Variants in TOPBP1 observed in about 807,000 individuals in gnomAD.
TOPBP1 encodes DNA topoisomerase II binding protein 1.
In TOPBP1, 28 loss-of-function variants were observed where a neutral mutation model predicts 167.7. That is an observed-to-expected ratio of 0.17 (90% CI 0.12 to 0.23). The LOEUF (loss-of-function observed/expected upper bound fraction) is 0.23. Among genes scored for constraint, TOPBP1 ranks in the 10% least tolerant of loss-of-function variants. TOPBP1 has a pLI of 1.00. For missense variants in TOPBP1, 1,554 were observed against 1,809.6 expected, an observed-to-expected ratio of 0.86 and a Z score of 2.56; for synonymous variants, 598 against 611.4, an observed-to-expected ratio of 0.98 and a Z score of 0.32.
At chr3:133,615,027 A>T (rs1273106817) in intron 23 of TOPBP1, among the ~76,000 whole-genome samples, 1 of 152,014 alleles carries the variant, frequency 6.6e-6, no homozygotes, top group Non-Finnish European at 1.5e-5. Context: ...TCACCCGCAA[A>T]AAAAAGAGAA....
intron 27 of TOPBP1, among the ~76,000 whole-genome samples, chr3:133,606,145 G>T (rs543386982): frequency 2.6e-5 from 4 of 151,864 alleles, no homozygotes; most frequent in Admixed American, 2.0e-4. Context: ...CCAAGATCAC[G>T]CCACTGCACT....
At chr3:133,650,052 T>C in intron 8 of TOPBP1, 109 bp from the exon 9 acceptor site, 2 of 929,786 alleles carry the variant, frequency 2.2e-6, no homozygotes, top group Non-Finnish European at 3.0e-6. Context: ...CTTGTGTACA[T>C]TTAAGATATA....
At chr3:133,634,453 G>A (rs1001669874) in intron 14 of TOPBP1, among the ~76,000 whole-genome samples, 6 of 152,128 alleles carry the variant, frequency 3.9e-5, no homozygotes. Flanking sequence ...AGGTTGCAGT[G>A]AGCTGAGATT....
intron 5 of TOPBP1, among the ~76,000 whole-genome samples, chr3:133,655,886 A>G (rs1330118005): frequency 1.3e-5 from 2 of 152,070 alleles, no homozygotes; most frequent in African/African-American, 4.8e-5. Context: ...TTTTTGGCAA[A>G]ATACCAACAA....
At position 133,652,596 on chromosome 3, in the gene TOPBP1, T is replaced by C; in HGVS notation, c.956A>G (p.Asn319Ser). The change falls in exon 8 of 28, where the codon AAC (asparagine) becomes AGC (serine). Residue 319 changes from asparagine to serine, a missense_variant. By Grantham distance (46) the Asn-to-Ser change is conservative. Coordinates refer to ENST00000260810, the MANE Select transcript of TOPBP1 (RefSeq NM_007027.4). The part of the protein sequence containing the change: ...RTLSDVSNIS[N>S]INASCVSESI... Reference sequence around the variant, plus strand: ...TTCACTTACGCAACTTGCATTTATGTTGGAAATATTGCTGACATCTGAAAG... The same window carrying C: ...TTCACTTACGCAACTTGCATTTATGCTGGAAATATTGCTGACATCTGAAAG... The C allele has an allele frequency of 6.2e-7, 1 of 1,610,858 alleles. No individual in the cohort carries two copies. Among genetic ancestry groups the C allele is most frequent in the Non-Finnish European group, 8.5e-7 (1 of 1,179,494 alleles).
At chr3:133,654,781 C>T (rs1166544529) in intron 6 of TOPBP1, among the ~76,000 whole-genome samples, 2 of 151,952 alleles carry the variant, frequency 1.3e-5, no homozygotes, top group Non-Finnish European at 2.9e-5. Context: ...CCTCATGTGC[C>T]GCAAGGTGTG....
At chr3:133,641,352 T>G (rs1313752038) in intron 12 of TOPBP1, among the ~76,000 whole-genome samples, 1 of 152,192 alleles carries the variant, frequency 6.6e-6, no homozygotes, top group Non-Finnish European at 1.5e-5. Context: ...TAGTGAAGTT[T>G]CACAAAATAT....
chr3:133,643,525 T>A (rs1396897520), intron 11 of TOPBP1, among the ~76,000 whole-genome samples, 153 bp from the exon 12 acceptor site: 2 of 152,198 alleles, frequency 1.3e-5, no homozygotes, highest in African/African-American at 4.8e-5. Flanking sequence ...ACATTTCATA[T>A]CATAATGTTA....
rs1429595539 is a variant in TOPBP1 at position 133,628,438 on chromosome 3, C to T, written c.2728G>A (p.Val910Ile). Reference protein sequence around the residue: ...EAPKPLHKVVVCVSKKLSKKQ... With the variant: ...EAPKPLHKVVICVSKKLSKKQ... The stretch of plus-strand genomic sequence containing the variant: ...TTACTGAGTTTTTTACTAACACATA[C>T]CACTACTTTGTGAAGTGGCTTTGGG... The change falls in exon 16 of 28, where the codon GTA becomes ATA. Residue 910 changes from valine (V) to isoleucine (I), a missense_variant. Transcript: ENST00000260810. The T allele has an allele frequency of 1.2e-6, 2 of 1,611,228 alleles. No individual in the cohort carries two copies. The highest frequency in any genetic ancestry group is 1.7e-6 in the Non-Finnish European group (2 of 1,178,700).
At position 133,650,229 on chromosome 3, in the gene TOPBP1, T is replaced by G. The variant is rs116204923; in HGVS notation, c.1090-286A>C. On this transcript the variant is annotated intron_variant, in intron 8 of 27. Coordinates refer to ENST00000260810, the MANE Select transcript of TOPBP1 (RefSeq NM_007027.4). ...CCAGAGTCCAACATCTTCTAAATAT[T>G]AGTGCATACCAATTCCTAAAATGCA... is the stretch of plus-strand genomic sequence containing the variant. Among the ~76,000 whole-genome samples the G allele has an allele frequency of 5.2e-3, 799 of 152,236 alleles. 7 individuals carry two copies. The highest frequency in any genetic ancestry group is 0.018 in the African/African-American group (760 of 41,552).
chr3:133,602,386 A>T (rs1934334543), intron 27 of TOPBP1, among the ~76,000 whole-genome samples: 3 of 152,228 alleles, frequency 2.0e-5, no homozygotes, highest in African/African-American at 7.2e-5. Flanking sequence ...ACTCCAAACT[A>T]AAGTTAGTTC....
chr3:133,658,076 GA>G lies in TOPBP1; in HGVS notation c.220-136del, dbSNP rs893107602. 1.9e-5 allele frequency: 12 copies of G among 626,684 alleles called. No individual in the cohort carries two copies. The African/African-American group carries it at 2.3e-4, about 12-fold the overall frequency. The allele number at this position is 626,684 out of a possible 1,614,324, so 38.8% of individuals were successfully genotyped here. A position where few individuals can be genotyped will look rare whatever the true frequency, so the allele number is the denominator to read the frequency against. Reference sequence around the variant, plus strand: ...TAGAGAAATCAGCAAATCATTACAAGAAAAAAATAAAGATGACTATATAATT... The same window carrying G: ...TAGAGAAATCAGCAAATCATTACAAGAAAAAATAAAGATGACTATATAATT... On this transcript the variant is annotated intron_variant, in intron 3 of 27. Coordinates refer to ENST00000260810, the MANE Select transcript of TOPBP1 (RefSeq NM_007027.4).
intron 27 of TOPBP1, among the ~76,000 whole-genome samples, 180 bp downstream of exon 27, chr3:133,608,355 A>G (rs530733684): frequency 4.3e-4 from 65 of 152,294 alleles, no homozygotes; most frequent in African/African-American, 1.5e-3. Context: ...TGTTTACATA[A>G]TATGTTCATT....
At chr3:133,652,109 AAC>A (rs1178014666) in intron 8 of TOPBP1, among the ~76,000 whole-genome samples, 1 of 152,030 alleles carries the variant, frequency 6.6e-6, no homozygotes, top group African/African-American at 2.4e-5. Context: ...CAGCCTGGGC[AAC>A]AGAGTGAGAC....
intron 19 of TOPBP1, among the ~76,000 whole-genome samples, chr3:133,621,876 T>C (rs1364523782): frequency 6.6e-6 from 1 of 152,076 alleles, no homozygotes; most frequent in East Asian, 1.9e-4. Flanking sequence ...GTACTATTTA[T>C]AAAAGCAAGA....
At position 133,618,207 on chromosome 3, in the gene TOPBP1, T is replaced by C. The variant is rs537937131; in HGVS notation, c.3592+6A>G. 235 of 1,608,808 alleles carry C rather than the reference T, an allele frequency of 1.5e-4. 4 individuals carry two copies. The South Asian group carries it at 2.4e-3, about 17-fold the overall frequency. ...CAAACAAATGCAAAGATTTCTTTCT[T>C]GTTACCCTGTTTAGCAATTTCTGAA... On this transcript the variant is annotated splice_donor_region_variant and intron_variant, in intron 21 of 27. Coordinates refer to ENST00000260810, the MANE Select transcript of TOPBP1 (RefSeq NM_007027.4).
In TOPBP1 at chr3:133,626,929, T is replaced by C. The variant is rs369238053; in HGVS notation, c.2804+1433A>G. The stretch of plus-strand genomic sequence containing the variant: ...TGCTGCATCTGATTTGTTGCAAAGA[T>C]CGGGCCTACATGTTTAACTGTCTGA... On this transcript the variant is annotated intron_variant, in intron 16 of 27. Coordinates refer to ENST00000260810, the MANE Select transcript of TOPBP1 (RefSeq NM_007027.4). Among the ~76,000 whole-genome samples, 4 of 152,172 alleles carry C rather than the reference T, an allele frequency of 2.6e-5. No individual in the cohort carries two copies. The East Asian group carries it at 7.7e-4, about 29-fold the overall frequency.
intron 13 of TOPBP1, among the ~76,000 whole-genome samples, chr3:133,638,437 AAAT>A (rs1291305964): frequency 4.6e-5 from 7 of 152,326 alleles, no homozygotes; most frequent in Non-Finnish European, 8.8e-5. Flanking sequence ...TTAACTGAAA[AAAT>A]AATAATAGAT....
At chr3:133,641,532 A>T (rs1353396012) in intron 12 of TOPBP1, among the ~76,000 whole-genome samples, 1 of 152,142 alleles carries the variant, frequency 6.6e-6, no homozygotes, top group Non-Finnish European at 1.5e-5. Flanking sequence ...TGCCTGGCTC[A>T]TTTTTAAAAT....
Sources: allele counts gnomAD v4.1 joint callset (sites outside exome capture counted in the v4.1 genomes callset), GRCh38; gene constraint gnomAD v4.1.1; transcripts MANE v1.5; gene names NCBI Gene and HGNC (gene_info 2026-07-23, HGNC 2026-07-21).